Variants in THSD4 observed in about 807,000 individuals in gnomAD.
The protein encoded by THSD4 is thrombospondin type 1 domain containing 4.
In THSD4, 69 loss-of-function variants were observed where a neutral mutation model predicts 119.0. The ratio of observed to expected loss-of-function variants is 0.58; its 90% CI spans 0.48 to 0.71. The LOEUF (loss-of-function observed/expected upper bound fraction) is 0.71. Among genes scored for constraint, THSD4 ranks in the 30% least tolerant of loss-of-function variants. The pLI is 0.00. For missense variants in THSD4, 1,393 were observed against 1,391.1 expected (o/e 1.00, Z -0.02); for synonymous variants, 524 against 540.4 (o/e 0.97, Z 0.42).
chr15:71,382,592 CCTCATG>C (rs1313020605), intron 6 of THSD4, among the ~76,000 whole-genome samples: 1 of 152,150 alleles, frequency 6.6e-6, no homozygotes, highest in Non-Finnish European at 1.5e-5. Context: ...TATAACACAT[CCTCATG>C]CCTTTCTTAT....
chr15:71,769,922 T>G (rs1364005663), intron 16 of THSD4, among the ~76,000 whole-genome samples: 1 of 37,666 alleles, frequency 2.7e-5, no homozygotes, highest in Non-Finnish European at 5.1e-5. Flanking sequence ...ATAAAAAAAA[T>G]AAATTTAAAA....
At chr15:71,657,414 C>A (rs931157823) in intron 7 of THSD4, among the ~76,000 whole-genome samples, 3 of 152,178 alleles carry the variant, frequency 2.0e-5, no homozygotes, top group Non-Finnish European at 4.4e-5. Flanking sequence ...TCACAACAGC[C>A]CTGTGCAGGA....
At chr15:71,158,055 C>T (rs933347542) in intron 3 of THSD4, among the ~76,000 whole-genome samples, 9 of 151,412 alleles carry the variant, frequency 5.9e-5, no homozygotes, top group Admixed American at 4.6e-4. Flanking sequence ...ATTAAGGAGG[C>T]TCCTACTGTT....
intron 7 of THSD4, among the ~76,000 whole-genome samples, chr15:71,640,295 G>A (rs1426868069): frequency 6.6e-6 from 1 of 151,292 alleles, no homozygotes; most frequent in African/African-American, 2.4e-5. Context: ...TGCCCAGGGA[G>A]GTCCCAAACC....
chr15:71,436,839 CG>C (rs1447144844), intron 7 of THSD4, among the ~76,000 whole-genome samples: 2 of 152,016 alleles, frequency 1.3e-5, no homozygotes, highest in Non-Finnish European at 2.9e-5. Flanking sequence ...AACATTTTTA[CG>C]GGGAAATGAA....
chr15:71,670,742 G>A (rs62024311), intron 8 of THSD4, among the ~76,000 whole-genome samples: 4,433 of 151,570 alleles, frequency 0.029, 79 homozygotes, highest in Non-Finnish European at 0.046. Flanking sequence ...GAGAACATGC[G>A]GTGTTTGGTT....
In THSD4 at chr15:71,490,304, TAATCCCAGC is replaced by T. The variant is rs575451147; in HGVS notation, c.1152+78483_1152+78491del. Among the ~76,000 whole-genome samples, 20 of 152,228 alleles carry T rather than the reference TAATCCCAGC, an allele frequency of 1.3e-4. No homozygotes were observed. In the East Asian group the frequency reaches 3.9e-3, roughly 29 times the overall value. ...GGCCGGGCGTGGTGGCTCACACCTG[TAATCCCAGC>T]ACTTTGGGACGCCAAGGCAGGCAGA... On this transcript the variant is annotated intron_variant, in intron 7 of 17. Transcript: ENST00000261862.
intron 4 of THSD4, among the ~76,000 whole-genome samples, chr15:71,230,661 C>G (rs959086756): frequency 7.9e-5 from 12 of 152,208 alleles, no homozygotes; most frequent in Non-Finnish European, 1.2e-4. Context: ...GATGGAATAC[C>G]TGGGCTCTCT....
chr15:71,415,682 C>A (rs1239535178), intron 7 of THSD4, among the ~76,000 whole-genome samples: 1 of 152,102 alleles, frequency 6.6e-6, no homozygotes, highest in Non-Finnish European at 1.5e-5. Flanking sequence ...CCCTTTAACC[C>A]CCAACTACCC....
At chr15:71,702,027 T>C (rs575730307) in intron 8 of THSD4, among the ~76,000 whole-genome samples, 4 of 152,248 alleles carry the variant, frequency 2.6e-5, no homozygotes, top group African/African-American at 9.6e-5. Context: ...AGATGCCCCC[T>C]GCCAGGCCTC....
At chr15:71,616,097 A>G (rs1003557221) in intron 7 of THSD4, among the ~76,000 whole-genome samples, 5 of 152,202 alleles carry the variant, frequency 3.3e-5, no homozygotes, top group Admixed American at 2.6e-4. Context: ...ACAAATGTCC[A>G]TGTTTTCAAA....
At chr15:71,442,658 G>GTATA (rs1555414314) in intron 7 of THSD4, among the ~76,000 whole-genome samples, 1 of 31,348 alleles carries the variant, frequency 3.2e-5, no homozygotes. Context: ...GTGTGTGTGT[G>GTATA]TGTATATATA....
chr15:71,121,362 A>C lies in THSD4; in HGVS notation c.-80+5664A>C, dbSNP rs1352060812. 1.7e-3 allele frequency among the ~76,000 whole-genome samples: 249 copies of C among 146,624 alleles called. 1 individual carries two copies. The highest frequency in any genetic ancestry group is 7.1e-3 in the Middle Eastern group (2 of 280). ...AAGTGCCACTTGAATGTTAGCTATC[A>C]CTTTTTTTTTTTTTTCCCCACTTTG... On this transcript the variant is annotated intron_variant, in intron 1 of 17. Coordinates refer to ENST00000261862, the MANE Select transcript of THSD4 (RefSeq NM_024817.3).
chr15:71,251,765 A>G (rs567357549), intron 5 of THSD4, among the ~76,000 whole-genome samples: 4 of 152,216 alleles, frequency 2.6e-5, no homozygotes, highest in African/African-American at 9.6e-5. Context: ...CATCAGTGTG[A>G]TCACTGATGG....
chr15:71,360,539 A>C (rs779615698), intron 6 of THSD4, among the ~76,000 whole-genome samples: 1 of 152,188 alleles, frequency 6.6e-6, no homozygotes, highest in Non-Finnish European at 1.5e-5. Flanking sequence ...ATTCTAGTCT[A>C]CTACTGCCAC....
At chr15:71,724,069 A>T (rs1365125703) in intron 8 of THSD4, among the ~76,000 whole-genome samples, 1 of 278 alleles carries the variant, frequency 3.6e-3, no homozygotes, top group African/African-American at 6.6e-3. Flanking sequence ...GTCTTTATTT[A>T]AAAAAAAAAA....
At chr15:71,338,475 T>C (rs949548988) in intron 6 of THSD4, among the ~76,000 whole-genome samples, 5 of 152,166 alleles carry the variant, frequency 3.3e-5, no homozygotes, top group Admixed American at 3.3e-4. Context: ...GCCGAGAGTA[T>C]GTGAACTGTT....
At chr15:71,628,435 C>T (rs2050549644) in intron 7 of THSD4, among the ~76,000 whole-genome samples, 1 of 152,002 alleles carries the variant, frequency 6.6e-6, no homozygotes, top group Non-Finnish European at 1.5e-5. Context: ...TTAACTTATC[C>T]AAGGTGGCGC....
At position 71,213,779 on chromosome 15, in the gene THSD4, C is replaced by T. The variant is rs188044371; in HGVS notation, c.100-1256C>T. 9.8e-5 allele frequency among the ~76,000 whole-genome samples: 15 copies of T among 152,304 alleles called. 1 individual carries two copies. In the East Asian group the frequency reaches 2.9e-3, roughly 29 times the overall value. ...CACCTCTTCCAAGTCACCATGGCAG[C>T]AGGGACATTATTATCATTACTAACA... is the stretch of plus-strand genomic sequence containing the variant. On this transcript the variant is annotated intron_variant, in intron 3 of 17. Transcript: ENST00000261862.
Sources: gnomAD v4.1 joint callset for allele counts (sites outside exome capture counted in the v4.1 genomes callset) on GRCh38, gnomAD v4.1.1 for gene constraint, MANE v1.5 for transcripts, NCBI Gene and HGNC (gene_info 2026-07-23, HGNC 2026-07-21) for gene names.